Variants in DPF3 observed in about 807,000 individuals in gnomAD.
DPF3 encodes the protein double PHD fingers 3, also known as zinc finger protein DPF3.
In DPF3, 18 loss-of-function variants were observed where a neutral mutation model predicts 56.8. That is an observed-to-expected ratio of 0.32 (90% CI 0.22 to 0.47). The LOEUF is 0.47. Among genes scored for constraint, DPF3 ranks in the 20% least tolerant of loss-of-function variants. The pLI, the probability that DPF3 is intolerant of heterozygous loss-of-function variation, is 1.00. For synonymous variants in DPF3, 188 were observed against 180.2 expected, an observed-to-expected ratio of 1.04 and a Z score of -0.35; for missense variants, 403 against 488.8, an observed-to-expected ratio of 0.82 and a Z score of 1.65.
At chr14:72,765,202 A>G (rs954259115) in intron 2 of DPF3, among the ~76,000 whole-genome samples, 2 of 152,248 alleles carry the variant, frequency 1.3e-5, no homozygotes, top group African/African-American at 4.8e-5. Context: ...ATGAAATACT[A>G]CTATATATCT....
intron 7 of DPF3, among the ~76,000 whole-genome samples, chr14:72,689,986 A>G (rs1887604192): frequency 6.6e-6 from 1 of 151,846 alleles, no homozygotes; most frequent in Non-Finnish European, 1.5e-5. Flanking sequence ...TCCGCCTGGG[A>G]ATACCTATTA....
At chr14:72,845,655 G>T (rs1246615731) in intron 1 of DPF3, among the ~76,000 whole-genome samples, 1 of 152,184 alleles carries the variant, frequency 6.6e-6, no homozygotes, top group Non-Finnish European at 1.5e-5. Flanking sequence ...CCAAGACCTG[G>T]AGGATAAAAG....
At chr14:72,638,980 C>G (rs1365712421) in intron 8 of DPF3, among the ~76,000 whole-genome samples, 1 of 152,046 alleles carries the variant, frequency 6.6e-6, no homozygotes, top group Admixed American at 6.6e-5. Context: ...CCATGCCTGG[C>G]TAATTTTTTG....
At chr14:72,891,550 G>C (rs969842292) in intron 1 of DPF3, among the ~76,000 whole-genome samples, 2 of 152,046 alleles carry the variant, frequency 1.3e-5, no homozygotes, top group African/African-American at 4.8e-5. Context: ...ATTGTTTCCT[G>C]ATCAGCAACT....
chr14:72,724,543 G>A (rs532069202), intron 4 of DPF3, among the ~76,000 whole-genome samples: 5 of 152,012 alleles, frequency 3.3e-5, no homozygotes, highest in East Asian at 1.9e-4. Context: ...GCCTAAGCAC[G>A]TCACTCCCTT....
chr14:72,756,869 A>AAAGAAAGAAAGGAAGGAAGGAAGG (rs1555503988), intron 2 of DPF3, among the ~76,000 whole-genome samples: 1 of 95,598 alleles, frequency 1.0e-5, no homozygotes, highest in African/African-American at 4.3e-5. Context: ...AGAAAGAAAG[A>AAAGAAAGAAAGGAAGGAAGGAAGG]AAGGAAGGAA....
At chr14:72,867,124 C>T (rs577056207) in intron 1 of DPF3, among the ~76,000 whole-genome samples, 2 of 151,948 alleles carry the variant, frequency 1.3e-5, no homozygotes, top group South Asian at 2.1e-4. Context: ...CTCAAACTCC[C>T]GGGCTCCAAC....
intron 1 of DPF3, among the ~76,000 whole-genome samples, chr14:72,830,061 TCTAA>T (rs1883989927): frequency 6.6e-6 from 1 of 152,220 alleles, no homozygotes; most frequent in African/African-American, 2.4e-5. Context: ...CCAAGATATT[TCTAA>T]CAACAACAAC....
intron 8 of DPF3, among the ~76,000 whole-genome samples, chr14:72,652,178 G>A (rs886568980): frequency 6.6e-6 from 1 of 152,118 alleles, no homozygotes; most frequent in African/African-American, 2.4e-5. Flanking sequence ...CCTTTCTCTC[G>A]CAATAAAAGC....
intron 6 of DPF3, among the ~76,000 whole-genome samples, chr14:72,702,478 C>A (rs1888213788): frequency 6.6e-6 from 1 of 152,160 alleles, no homozygotes; most frequent in African/African-American, 2.4e-5. Context: ...TTCATAATCA[C>A]TCTGGCATCA....
chr14:72,661,325 T>C, intron 8 of DPF3: 1 of 985,312 alleles, frequency 1.0e-6, no homozygotes, highest in Non-Finnish European at 1.2e-6. Context: ...TGGCAGGAAG[T>C]CGGTGCCCAC....
chr14:72,882,490 G>A (rs1252096155), intron 1 of DPF3, among the ~76,000 whole-genome samples: 1 of 152,190 alleles, frequency 6.6e-6, no homozygotes, highest in Non-Finnish European at 1.5e-5. Context: ...TTGGGGGAAA[G>A]TGTTTTTTTC....
chr14:72,676,042 T>C (rs151231720), intron 7 of DPF3, among the ~76,000 whole-genome samples: 1 of 152,370 alleles, frequency 6.6e-6, no homozygotes, highest in African/African-American at 2.4e-5. Flanking sequence ...CTTAGTCATT[T>C]TTAGAACTCT....
chr14:72,646,006 T>C (rs1389804606), intron 8 of DPF3, among the ~76,000 whole-genome samples: 1 of 152,070 alleles, frequency 6.6e-6, no homozygotes, highest in African/African-American at 2.4e-5. Flanking sequence ...GGGACTGCAG[T>C]TTTAACAAGA....
At chr14:72,855,240 C>T (rs554689780) in intron 1 of DPF3, among the ~76,000 whole-genome samples, 2 of 152,162 alleles carry the variant, frequency 1.3e-5, no homozygotes, top group African/African-American at 4.8e-5. Flanking sequence ...GTGAGATGAA[C>T]GAAATGAAAC....
chr14:72,661,686 C>T, intron 8 of DPF3: 1 of 985,430 alleles, frequency 1.0e-6, no homozygotes, highest in Non-Finnish European at 1.2e-6. Flanking sequence ...CCACCAGCAA[C>T]TGAATTTGAG....
At chr14:72,677,043 G>A (rs1328156392) in intron 7 of DPF3, among the ~76,000 whole-genome samples, 2 of 152,164 alleles carry the variant, frequency 1.3e-5, no homozygotes, top group Non-Finnish European at 2.9e-5. Flanking sequence ...TCTGAAAAAG[G>A]GAAGCTTCTG....
At chr14:72,893,021 AAGGATGAAAAGGAGG>A (rs1886835235) in intron 1 of DPF3, among the ~76,000 whole-genome samples, 1 of 135,448 alleles carries the variant, frequency 7.4e-6, no homozygotes, top group African/African-American at 2.7e-5. Flanking sequence ...GGAAGGAAGG[AAGGATGAAAAGGAGG>A]AGGAAGGCAG....
At chr14:72,741,378 G>T (rs1890114815) in intron 3 of DPF3, among the ~76,000 whole-genome samples, 1 of 152,252 alleles carries the variant, frequency 6.6e-6, no homozygotes, top group Admixed American at 6.5e-5. Flanking sequence ...CCAGTGGCTG[G>T]AGGGATCTAG....
Sources: gnomAD v4.1 joint callset for allele counts (sites outside exome capture counted in the v4.1 genomes callset) on GRCh38, gnomAD v4.1.1 for gene constraint, MANE v1.5 for transcripts, NCBI Gene and HGNC (gene_info 2026-07-23, HGNC 2026-07-21) for gene names.